The following TRIM55 variants were observed in gnomAD, a reference collection of about 807,000 sequenced individuals.
TRIM55 encodes the protein tripartite motif-containing protein 55.
Under a neutral mutation model 60.9 loss-of-function variants are expected in TRIM55, and 50 were observed. The ratio of observed to expected loss-of-function variants is 0.82; its 90% CI spans 0.65 to 1.04. The LOEUF is 1.04. Among genes scored for constraint, TRIM55 ranks in the 50% least tolerant of loss-of-function variants. The pLI is 0.00. For synonymous variants in TRIM55, 237 were observed against 238.1 expected (o/e 1.00, Z 0.04); for missense variants, 681 against 666.9 (o/e 1.02, Z -0.23).
chr8:66,113,358 G>T, the TRIM55 span: 2 of 373,746 alleles, frequency 5.4e-6, no homozygotes, highest in East Asian at 7.4e-5. Context: ...GCCGACACAC[G>T]TACACGTCCC....
intron 5 of TRIM55, 71 bp downstream of exon 5, chr8:66,149,949 A>C (rs1810316822): frequency 8.1e-7 from 1 of 1,241,344 alleles, no homozygotes; most frequent in Non-Finnish European, 1.2e-6. Flanking sequence ...TCACATTTTT[A>C]TTATTTTATG....
chr8:66,161,529 T>C lies in TRIM55; in HGVS notation c.1524+7195T>C, dbSNP rs192686314. On this transcript the variant is annotated intron_variant, in intron 9 of 9. Transcript: ENST00000315962. ...ATGAGGGCTCTTTTTTGGTTCTATA[T>C]GAATTTTGGATTCTTTTTTCTAGTT... Among the ~76,000 whole-genome samples the C allele has an allele frequency of 5.5e-4, 83 of 152,272 alleles. 1 individual carries two copies. Among genetic ancestry groups the C allele is most frequent in the Non-Finnish European group, 1.5e-4 (10 of 67,988 alleles).
chr8:66,160,452 G>A (rs930694414), intron 9 of TRIM55, among the ~76,000 whole-genome samples: 4 of 151,934 alleles, frequency 2.6e-5, no homozygotes, highest in African/African-American at 9.7e-5. Context: ...TTTTTCAATT[G>A]TGAATTGTGC....
chr8:66,138,565 A>G (rs192660134), intron 4 of TRIM55, among the ~76,000 whole-genome samples: 1 of 151,982 alleles, frequency 6.6e-6, no homozygotes, highest in Admixed American at 6.5e-5. Context: ...AATTTTTTGT[A>G]TTTTTAGTAG....
At chr8:66,123,018 G>A (rs78982606), upstream of TRIM55, among the ~76,000 whole-genome samples, 11,331 of 152,162 alleles carry the variant, frequency 0.074, 654 homozygotes, top group African/African-American at 0.17. Context: ...CCCTGATCCA[G>A]GAGAGATTTA....
At chr8:66,149,362 AT>A (rs1198647755) in intron 4 of TRIM55, among the ~76,000 whole-genome samples, 6 of 152,324 alleles carry the variant, frequency 3.9e-5, no homozygotes, top group Non-Finnish European at 7.4e-5. Flanking sequence ...ATCATTCTTT[AT>A]TTCTATGAAA....
chr8:66,141,110 C>G (rs1364223373), intron 4 of TRIM55, among the ~76,000 whole-genome samples: 1 of 152,176 alleles, frequency 6.6e-6, no homozygotes, highest in Non-Finnish European at 1.5e-5. Flanking sequence ...TGTCCCAAGA[C>G]CAGCCCTGAA....
intron 4 of TRIM55, among the ~76,000 whole-genome samples, chr8:66,138,188 T>C (rs772050281): frequency 2.0e-5 from 3 of 152,208 alleles, no homozygotes; most frequent in Non-Finnish European, 4.4e-5. Flanking sequence ...TCTCTTGTTA[T>C]CTATTTATTT....
At chr8:66,167,150 T>C (rs1811371421) in intron 9 of TRIM55, among the ~76,000 whole-genome samples, 1 of 152,224 alleles carries the variant, frequency 6.6e-6, no homozygotes, top group African/African-American at 2.4e-5. Flanking sequence ...TTTGGACTTC[T>C]GGTCTCTATG....
chr8:66,156,808 C>A (rs1472965958), intron 9 of TRIM55, among the ~76,000 whole-genome samples: 2 of 152,156 alleles, frequency 1.3e-5, no homozygotes, highest in Non-Finnish European at 2.9e-5. Context: ...GTGTCTGGAA[C>A]TGTGTGTGAG....
intron 8 of TRIM55, 128 bp downstream of exon 8, chr8:66,152,755 C>G: frequency 1.6e-6 from 2 of 1,276,610 alleles, no homozygotes; most frequent in Non-Finnish European, 2.1e-6. Context: ...ATATGGTAGA[C>G]GAAAGATTTC....
chr8:66,144,729 C>T (rs1012077411), intron 4 of TRIM55, among the ~76,000 whole-genome samples: 6 of 152,166 alleles, frequency 3.9e-5, no homozygotes, highest in African/African-American at 1.4e-4. Flanking sequence ...AGATACATAC[C>T]TTTTTACTCA....
chr8:66,152,508 C>T lies in TRIM55; in HGVS notation c.1117C>T (p.Pro373Ser). The T allele has an allele frequency of 6.2e-7, 1 of 1,614,010 alleles. No homozygotes were observed. The highest frequency in any genetic ancestry group is 8.5e-7 in the Non-Finnish European group (1 of 1,179,990). Reference sequence around the variant, plus strand: ...AGAGTTTCCAGGAGAAGATGAAAACCCAGAAAAAGCTTCAGAGCTCTCTCA... The same window carrying T: ...AGAGTTTCCAGGAGAAGATGAAAACTCAGAAAAAGCTTCAGAGCTCTCTCA... ...QTEFPGEDEN[P>S]EKASELSQVE... is the part of the protein sequence containing the mutation. Residue 373 changes from proline to serine, a missense_variant, in exon 8 of 10, where the codon CCA becomes TCA. Physicochemically the swap from Pro to Ser is moderately conservative, Grantham distance 74. Coordinates refer to ENST00000315962, the MANE Select transcript of TRIM55 (RefSeq NM_184085.2).
At chr8:66,138,286 T>A (rs1040409784) in intron 4 of TRIM55, among the ~76,000 whole-genome samples, 1 of 152,250 alleles carries the variant, frequency 6.6e-6, no homozygotes, top group African/African-American at 2.4e-5. Flanking sequence ...TCTTATAAAA[T>A]ACGTATTGTG....
chr8:66,166,571 C>T (rs1317211283), intron 9 of TRIM55, among the ~76,000 whole-genome samples: 2 of 152,180 alleles, frequency 1.3e-5, no homozygotes, highest in Non-Finnish European at 2.9e-5. Context: ...AACAATGGCA[C>T]GTGGCAGTGG....
chr8:66,144,706 G>A (rs377344049), intron 4 of TRIM55, among the ~76,000 whole-genome samples: 5 of 152,186 alleles, frequency 3.3e-5, no homozygotes, highest in African/African-American at 9.7e-5. Flanking sequence ...GTATGGCTCC[G>A]AATTGGTCTT....
chr8:66,116,955 A>G, the TRIM55 span, among the ~76,000 whole-genome samples: 1 of 152,194 alleles, frequency 6.6e-6, no homozygotes, highest in African/African-American at 2.4e-5. Flanking sequence ...AGGAAAATAC[A>G]TTATGACTAA....
chr8:66,130,156 A>G (rs1208102582), intron 2 of TRIM55, among the ~76,000 whole-genome samples: 1 of 152,254 alleles, frequency 6.6e-6, no homozygotes, highest in African/African-American at 2.4e-5. Flanking sequence ...CAGTATTGGT[A>G]AAACTACAAA....
At chr8:66,135,271 G>A in intron 3 of TRIM55, 116 bp downstream of exon 3, 3 of 1,088,858 alleles carry the variant, frequency 2.8e-6, no homozygotes, top group Non-Finnish European at 4.2e-6. Context: ...AGCCACGCAG[G>A]GCCATGGGAC....
Sources: gnomAD v4.1 joint callset for allele counts (sites outside exome capture counted in the v4.1 genomes callset) on GRCh38, gnomAD v4.1.1 for gene constraint, MANE v1.5 for transcripts, NCBI Gene and HGNC (gene_info 2026-07-23, HGNC 2026-07-21) for gene names.